PCDHGB3: variants seen among roughly 807,000 people sequenced by gnomAD.
PCDHGB3 encodes the protein protocadherin gamma subfamily B, 3.
In PCDHGB3, 40 loss-of-function variants were observed where a neutral mutation model predicts 59.2. That is an observed-to-expected ratio of 0.68 (90% CI 0.52 to 0.88). The LOEUF is 0.88. PCDHGB3 is among the 40% of genes least tolerant of loss of function. The pLI is 0.00. For synonymous variants in PCDHGB3, 581 were observed against 503.6 expected (o/e 1.15, Z -2.06); for missense variants, 1,309 against 1,187.9 (o/e 1.10, Z -1.50).
intron 1 of PCDHGB3, chr5:141,478,150 C>T (rs569939900): frequency 6.2e-7 from 1 of 1,614,086 alleles, no homozygotes; most frequent in African/African-American, 1.3e-5. Flanking sequence ...CCGAGTTCCC[C>T]TCTGGCTCTG....
intron 2 of PCDHGB3, among the ~76,000 whole-genome samples, chr5:141,501,956 A>G (rs527567012): frequency 6.6e-6 from 1 of 152,136 alleles, no homozygotes; most frequent in Non-Finnish European, 1.5e-5. Context: ...GTGACAGGTC[A>G]TCCTCCTAAC....
Position 141,486,274 on chromosome 5 carries a change from T to A in PCDHGB3, c.2416-8533T>A. On this transcript the variant is annotated intron_variant, in intron 1 of 3. Coordinates refer to ENST00000576222, the MANE Select transcript of PCDHGB3 (RefSeq NM_018924.5). The surrounding 1 kb of genome is among the most constrained non-coding windows in gnomAD (Gnocchi z 5.0). ...TCCCCGAGAGTGCAGAACCTGGCAC[T>A]GTGGTGGCACTTATCAGTGTGCAGG... is the stretch of plus-strand genomic sequence containing the variant. 5 of 1,614,064 alleles carry A rather than the reference T, an allele frequency of 3.1e-6. No homozygotes were observed. The highest frequency in any genetic ancestry group is 4.2e-6 in the Non-Finnish European group (5 of 1,179,998).
chr5:141,430,826 CTG>C (rs2097313923), intron 1 of PCDHGB3: 1 of 1,550,416 alleles, frequency 6.4e-7, no homozygotes, highest in Non-Finnish European at 8.7e-7. Context: ...CCTGGGGACT[CTG>C]TGGGAGACCG....
intron 1 of PCDHGB3, chr5:141,430,780 C>T: frequency 6.6e-7 from 1 of 1,511,476 alleles, no homozygotes; most frequent in Non-Finnish European, 8.8e-7. Flanking sequence ...CGCGACTGCA[C>T]CGGGACTACA....
intron 1 of PCDHGB3, chr5:141,392,856 CT>C: frequency 1.9e-6 from 3 of 1,612,366 alleles, no homozygotes; most frequent in Non-Finnish European, 2.5e-6. Flanking sequence ...CGAGCTGATC[CT>C]GCTGTGCGCG....
intron 1 of PCDHGB3, chr5:141,407,979 T>G: frequency 1.3e-6 from 1 of 748,940 alleles, no homozygotes; most frequent in Non-Finnish European, 2.0e-6. Context: ...ACGCCGGGGA[T>G]CCGTCAGCCT....
chr5:141,431,375 G>C lies in PCDHGB3; in HGVS notation c.2415+58566G>C. ...ACGCGCCCTGGACCGCGAAGAAAAG[G>C]CTGCTCACCACCTGGTCCTTACGGC... On this transcript the variant is annotated intron_variant, in intron 1 of 3. Transcript: ENST00000576222. This position sits in a 1 kb window ranked among gnomAD's most constrained non-coding sequence, Gnocchi z 4.8. 6.2e-7 allele frequency: 1 copy of C among 1,613,422 alleles called. No individual in the cohort carries two copies. The highest frequency in any genetic ancestry group is 8.5e-7 in the Non-Finnish European group (1 of 1,179,570).
In PCDHGB3 at chr5:141,491,169, G is replaced by A. The variant is rs374498014; in HGVS notation, c.2416-3638G>A. The A allele has an allele frequency of 1.2e-6, 2 of 1,614,192 alleles. No homozygotes were observed. Among genetic ancestry groups the A allele is most frequent in the African/African-American group, 1.3e-5 (1 of 75,058 alleles). On this transcript the variant is annotated intron_variant, in intron 1 of 3. Transcript: ENST00000576222. The surrounding 1 kb of genome is among the most constrained non-coding windows in gnomAD (Gnocchi z 6.9). ...TGGAGGATGACTCTGACACCCAGCA[G>A]GTGGTGGTCCTGGTGAGGGACAATG...
At position 141,481,719 on chromosome 5, in the gene PCDHGB3, G is replaced by A. The variant is rs1055207250; in HGVS notation, c.2416-13088G>A. On this transcript the variant is annotated intron_variant, in intron 1 of 3. Coordinates refer to ENST00000576222, the MANE Select transcript of PCDHGB3 (RefSeq NM_018924.5). ...CTGTAATCCCAGCACTTTGGGAGGC[G>A]GAGGCGGGCGGATCACGAGGTCAGG... 5.3e-5 allele frequency among the ~76,000 whole-genome samples: 8 copies of A among 151,716 alleles called. No homozygotes were observed. In the East Asian group the frequency reaches 9.7e-4, roughly 18 times the overall value.
At chr5:141,376,211 G>A (rs1772408440) in intron 1 of PCDHGB3, 1 of 1,614,180 alleles carries the variant, frequency 6.2e-7, no homozygotes, top group Admixed American at 1.7e-5. Context: ...CTTCGTCATC[G>A]TGCTGCTGGC....
chr5:141,395,483 AT>A lies in PCDHGB3; in HGVS notation c.2415+22676del, dbSNP rs2093238640. ...TTAAGCCTTCCAGTATTTTATTCCT[AT>A]TATCACTCATTCACTTAAGAAGTAG... On this transcript the variant is annotated intron_variant, in intron 1 of 3. Transcript: ENST00000576222. The A allele has an allele frequency of 5.8e-6, 3 of 512,838 alleles. No individual in the cohort carries two copies. The South Asian group carries it at 8.4e-5, about 14-fold the overall frequency. The allele number at this position is 512,838 out of a possible 1,614,324, so 31.8% of individuals were successfully genotyped here.
At chr5:141,375,093 T>A (rs1394979484) in intron 1 of PCDHGB3, 1 of 1,613,962 alleles carries the variant, frequency 6.2e-7, no homozygotes, top group South Asian at 1.1e-5. Context: ...TTAATAACTA[T>A]CTTGGATGTC....
At position 141,432,727 on chromosome 5, in the gene PCDHGB3, C is replaced by T; in HGVS notation, c.2415+59918C>T. 6.2e-7 allele frequency: 1 copy of T among 1,614,090 alleles called. No individual in the cohort carries two copies. Among genetic ancestry groups the T allele is most frequent in the Non-Finnish European group, 8.5e-7 (1 of 1,179,996 alleles). ...ACCACGGCCAGCCCCCTCTCTCCGC[C>T]ACTGTCACGCTCACCGTGGCCGTGG... On this transcript the variant is annotated intron_variant, in intron 1 of 3. Transcript: ENST00000576222. The surrounding 1 kb of genome is among the most constrained non-coding windows in gnomAD (Gnocchi z 6.0).
Position 141,491,743 on chromosome 5 carries a change from A to G in PCDHGB3, c.2416-3064A>G, listed in dbSNP as rs752434173. ...GCCCCGGGCGACCCCTGGGGGCGGC[A>G]CTGGAGAAGCCGCCCGTCCTCATAA... On this transcript the variant is annotated intron_variant, in intron 1 of 3. Transcript: ENST00000576222. The surrounding 1 kb of genome is among the most constrained non-coding windows in gnomAD (Gnocchi z 6.9). 5.0e-6 allele frequency: 8 copies of G among 1,595,570 alleles called. No individual in the cohort carries two copies. In the Admixed American group the frequency reaches 1.4e-4, roughly 28 times the overall value.
chr5:141,419,108 G>C (rs1449189374), intron 1 of PCDHGB3: 2 of 1,613,792 alleles, frequency 1.2e-6, no homozygotes, highest in African/African-American at 1.3e-5. Flanking sequence ...GCAGACCCCA[G>C]AGTACAACGT....
At chr5:141,413,195 G>T (rs771456948) in intron 1 of PCDHGB3, 1 of 1,610,846 alleles carries the variant, frequency 6.2e-7, no homozygotes, top group South Asian at 1.1e-5. Context: ...CAAAGGAATC[G>T]CTCAAAGGAA....
At chr5:141,406,567 T>A (rs1270084196) in intron 1 of PCDHGB3, among the ~76,000 whole-genome samples, 2 of 152,224 alleles carry the variant, frequency 1.3e-5, no homozygotes, top group African/African-American at 4.8e-5. Context: ...TTCCAAACCC[T>A]AGTAAACCAA....
At chr5:141,466,974 C>G (rs1314224956) in intron 1 of PCDHGB3, among the ~76,000 whole-genome samples, 1 of 151,944 alleles carries the variant, frequency 6.6e-6, no homozygotes, top group Non-Finnish European at 1.5e-5. Context: ...TCTCACAGCT[C>G]ATCATTTACC....
chr5:141,423,494 A>C lies in PCDHGB3; in HGVS notation c.2415+50685A>C, dbSNP rs753859784. ...CAGGCTTTCCTGCAAACCTATTCCCACGAGGTCTCTCTCATTGCGGACTCG... is the reference window on the plus strand; with the variant it reads ...CAGGCTTTCCTGCAAACCTATTCCCCCGAGGTCTCTCTCATTGCGGACTCG... On this transcript the variant is annotated intron_variant, in intron 1 of 3. Transcript: ENST00000576222. The C allele has an allele frequency of 3.8e-5, 61 of 1,613,842 alleles. No individual in the cohort carries two copies. The highest frequency in any genetic ancestry group is 5.9e-6 in the Non-Finnish European group (7 of 1,179,940).
Sources: gnomAD v4.1 joint callset for allele counts (sites outside exome capture counted in the v4.1 genomes callset) on GRCh38, gnomAD v4.1.1 for gene constraint, Gnocchi (gnomAD v3.1) non-coding constraint, MANE v1.5 for transcripts, NCBI Gene and HGNC (gene_info 2026-07-23, HGNC 2026-07-21) for gene names.